Variants in RFX1 observed in about 807,000 individuals in gnomAD.
The protein encoded by RFX1 is MHC class II regulatory factor RFX1.
RFX1 carries 42 observed loss-of-function variants against 119.6 expected under a neutral mutation model. The ratio of observed to expected loss-of-function variants is 0.35; its 90% CI spans 0.27 to 0.45. RFX1 has a LOEUF of 0.45. Ranked by LOEUF, RFX1 falls within the 20% of genes least tolerant of loss-of-function variation. The pLI is 1.00. For missense variants in RFX1, 1,118 were observed against 1,368.1 expected, an observed-to-expected ratio of 0.82 and a Z score of 2.88; for synonymous variants, 628 against 618.5, an observed-to-expected ratio of 1.02 and a Z score of -0.23.
At chr19:14,002,340 C>T (rs1328285133) in intron 1 of RFX1, among the ~76,000 whole-genome samples, 5 of 147,178 alleles carry the variant, frequency 3.4e-5, no homozygotes, top group Non-Finnish European at 4.5e-5. Flanking sequence ...AAAAAATTAG[C>T]CAGGCATGGT....
Position 13,965,595 on chromosome 19 carries a change from G to A in RFX1, c.2113+31C>T. 6.2e-7 allele frequency: 1 copy of A among 1,612,470 alleles called. No homozygotes were observed. On this transcript the variant is annotated intron_variant, in intron 15 of 20. Coordinates refer to ENST00000254325, the MANE Select transcript of RFX1 (RefSeq NM_002918.5). The surrounding 1 kb of genome is among the most constrained non-coding windows in gnomAD (Gnocchi z 4.7). The stretch of plus-strand genomic sequence containing the variant: ...TCAGGGCAGGGCGGGTGTATGTGGG[G>A]CAGGGGATGCCGAGCAGGCCGAGCA...
chr19:14,004,353 C>T (rs572318455), intron 1 of RFX1, among the ~76,000 whole-genome samples: 8 of 152,234 alleles, frequency 5.3e-5, no homozygotes, highest in Non-Finnish European at 8.8e-5. Context: ...ACTAAAAATA[C>T]GAAAATCAGC....
In RFX1 at chr19:13,966,582, A is replaced by T; in HGVS notation, c.1851+51T>A. 1 of 1,536,944 alleles carries T rather than the reference A, an allele frequency of 6.5e-7. No individual in the cohort carries two copies. The highest frequency in any genetic ancestry group is 8.9e-7 in the Non-Finnish European group (1 of 1,128,600). The stretch of plus-strand genomic sequence containing the variant: ...GGCTGGGGGGCAGCATGGCCCTCCC[A>T]TGCCCGTGGCTGCGTCCCCGTCCAC... On this transcript the variant is annotated intron_variant, in intron 13 of 20. Coordinates refer to ENST00000254325, the MANE Select transcript of RFX1 (RefSeq NM_002918.5). This position sits in a 1 kb window ranked among gnomAD's most constrained non-coding sequence, Gnocchi z 6.3.
At chr19:13,970,285 G>A (rs776119981) in intron 9 of RFX1, 110 bp from the exon 10 acceptor site, 30 of 886,580 alleles carry the variant, frequency 3.4e-5, no homozygotes, top group African/African-American at 8.5e-5. Context: ...TGACAGCCAC[G>A]CCCACATAAG....
intron 5 of RFX1, among the ~76,000 whole-genome samples, chr19:13,981,779 T>C (rs1260051192): frequency 3.3e-5 from 5 of 152,182 alleles, no homozygotes; most frequent in African/African-American, 1.2e-4. Flanking sequence ...GAAGAGACTG[T>C]CCCACCCTCC....
chr19:13,980,731 T>TGAATCCTCTCTGGGGTGGGCTC lies in RFX1; in HGVS notation c.622-43_622-42insGAGCCCACCCCAGAGAGGATTC. The TGAATCCTCTCTGGGGTGGGCTC allele has an allele frequency of 2.5e-6, 3 of 1,201,554 alleles. No homozygotes were observed. Among genetic ancestry groups the TGAATCCTCTCTGGGGTGGGCTC allele is most frequent in the Non-Finnish European group, 3.6e-6 (3 of 842,376 alleles). The allele number at this position is 1,201,554 out of a possible 1,614,324, so 74.4% of individuals were successfully genotyped here. A position where few individuals can be genotyped will look rare whatever the true frequency, so the allele number is the denominator to read the frequency against. On this transcript the variant is annotated intron_variant, in intron 5 of 20. Coordinates refer to ENST00000254325, the MANE Select transcript of RFX1 (RefSeq NM_002918.5). This position sits in a 1 kb window ranked among gnomAD's most constrained non-coding sequence, Gnocchi z 5.1. ...CACAGGAGTGCCGCTGGGGTGGGCT[T>TGAATCCTCTCTGGGGTGGGCTC]GCATCCTCTCTGAGGTGGGCTCACA...
chr19:13,980,682 G>T lies in RFX1; in HGVS notation c.629C>A (p.Pro210Gln), dbSNP rs1185982655. 2 of 1,594,026 alleles carry T rather than the reference G, an allele frequency of 1.3e-6. No homozygotes were observed. Among genetic ancestry groups the T allele is most frequent in the South Asian group, 2.2e-5 (2 of 89,302 alleles). The change falls in exon 6 of 21, where the codon CCG (proline) becomes CAG (glutamine). Residue 210 changes from proline (P) to glutamine (Q), a missense_variant. Pro to Gln is a moderately conservative substitution (Grantham distance 76). This residue lies in a region of RFX1 where 542 missense variants were observed against 602.7 expected (regional missense o/e 0.90). Coordinates refer to ENST00000254325, the MANE Select transcript of RFX1 (RefSeq NM_002918.5). This position sits in a 1 kb window ranked among gnomAD's most constrained non-coding sequence, Gnocchi z 5.1. ...GCTGGAAGAGCTGTTGGCCTGCACC[G>T]GCGACTGCTGTAAGGGAAGGAGACA... ...QQVHSPPEQS[P>Q]VQANSSSSKT...
At chr19:13,978,636 A>G (rs1318753398) in intron 7 of RFX1, among the ~76,000 whole-genome samples, 1 of 151,906 alleles carries the variant, frequency 6.6e-6, no homozygotes, top group African/African-American at 2.4e-5. Context: ...CCCTAGACCG[A>G]CCCGTCGGGC....
At position 13,969,932 on chromosome 19, in the gene RFX1, G is replaced by A. The variant is rs192113151; in HGVS notation, c.1496+62C>T. On this transcript the variant is annotated intron_variant, in intron 10 of 20. Transcript: ENST00000254325. The surrounding 1 kb of genome is among the most constrained non-coding windows in gnomAD (Gnocchi z 4.5). ...ACTGCCTGAGATGACTCGGAGTGGG[G>A]GTGGGCCTTGGCATGCCCACCAATT... 8.0e-6 allele frequency: 12 copies of A among 1,506,720 alleles called. No homozygotes were observed. Among genetic ancestry groups the A allele is most frequent in the African/African-American group, 1.4e-5 (1 of 72,468 alleles). The allele number at this position is 1,506,720 out of a possible 1,614,324, so 93.3% of individuals were successfully genotyped here. A position where few individuals can be genotyped will look rare whatever the true frequency, so the allele number is the denominator to read the frequency against.
intron 2 of RFX1, among the ~76,000 whole-genome samples, chr19:13,993,062 G>A (rs1405492645): frequency 2.0e-5 from 3 of 152,106 alleles, no homozygotes; most frequent in African/African-American, 7.2e-5. Context: ...ATCATTTGAG[G>A]CCGGGAGGAT....
chr19:13,995,584 C>T (rs954743910), intron 1 of RFX1, among the ~76,000 whole-genome samples: 6 of 152,204 alleles, frequency 3.9e-5, no homozygotes, highest in Non-Finnish European at 4.4e-5. Context: ...AGCGCAGTGG[C>T]TCACGCCTGT....
At position 13,986,389 on chromosome 19, in the gene RFX1, C is replaced by T. The variant is rs1974594711; in HGVS notation, c.320-2794G>A. Among the ~76,000 whole-genome samples, 1 of 152,214 alleles carries T rather than the reference C, an allele frequency of 6.6e-6. No homozygotes were observed. The highest frequency in any genetic ancestry group is 2.1e-4 in the South Asian group (1 of 4,836). ...GTAGCCCTCAAGGCTGGGACCCCGC[C>T]TGCCAGCCCAGGAGGGCGCCAGGGG... On this transcript the variant is annotated intron_variant, in intron 2 of 20. Coordinates refer to ENST00000254325, the MANE Select transcript of RFX1 (RefSeq NM_002918.5). This position sits in a 1 kb window ranked among gnomAD's most constrained non-coding sequence, Gnocchi z 4.2.
rs1182352074 is a variant in RFX1, at chr19:13,985,709, G to A, written c.320-2114C>T. On this transcript the variant is annotated intron_variant, in intron 2 of 20. Coordinates refer to ENST00000254325, the MANE Select transcript of RFX1 (RefSeq NM_002918.5). This position sits in a 1 kb window ranked among gnomAD's most constrained non-coding sequence, Gnocchi z 4.3. ...TGGGTATATGGGCACAGGAAGGAAA[G>A]TAAGCTGGGGGTCTACGGGGACCCC... is the stretch of plus-strand genomic sequence containing the variant. Among the ~76,000 whole-genome samples the A allele has an allele frequency of 6.6e-6, 1 of 152,230 alleles. No homozygotes were observed. The highest frequency in any genetic ancestry group is 1.5e-5 in the Non-Finnish European group (1 of 68,038).
intron 2 of RFX1, among the ~76,000 whole-genome samples, chr19:13,991,101 C>T (rs1974785094): frequency 6.6e-6 from 1 of 152,124 alleles, no homozygotes; most frequent in South Asian, 2.1e-4. Context: ...ATGGCAGGAG[C>T]GTGTTCTGGA....
rs747823965 is a variant in RFX1, at chr19:13,966,272, G to C, written c.1961+149C>G. 339 of 587,918 alleles carry C rather than the reference G, an allele frequency of 5.8e-4. 3 individuals carry two copies. The highest frequency in any genetic ancestry group is 1.5e-3 in the South Asian group (73 of 49,614). The allele number at this position is 587,918 out of a possible 1,614,324, so 36.4% of individuals were successfully genotyped here. A position where few individuals can be genotyped will look rare whatever the true frequency, so the allele number is the denominator to read the frequency against. On this transcript the variant is annotated intron_variant, in intron 14 of 20. Coordinates refer to ENST00000254325, the MANE Select transcript of RFX1 (RefSeq NM_002918.5). This position sits in a 1 kb window ranked among gnomAD's most constrained non-coding sequence, Gnocchi z 6.3. ...TCCACCCCCGACTGTTGAGTGTCGGGTGGCTATACACACTCCACACAGCCA... is the reference window on the plus strand; with the variant it reads ...TCCACCCCCGACTGTTGAGTGTCGGCTGGCTATACACACTCCACACAGCCA...
At chr19:13,978,215 C>T (rs905614527) in intron 7 of RFX1, 129 bp from the exon 8 acceptor site, 2 of 633,442 alleles carry the variant, frequency 3.2e-6, no homozygotes, top group Admixed American at 2.9e-5. Context: ...GGCTTCTGGA[C>T]TCTCAACAAA....
rs1268652998 is a variant in RFX1 at position 13,968,058 on chromosome 19, A to G, written c.1732+507T>C. On this transcript the variant is annotated intron_variant, in intron 12 of 20. Coordinates refer to ENST00000254325, the MANE Select transcript of RFX1 (RefSeq NM_002918.5). The surrounding 1 kb of genome is among the most constrained non-coding windows in gnomAD (Gnocchi z 5.5). Reference sequence around the variant, plus strand: ...CACTTCAGGTCAGGAGTTCGAGACCAGCCTAGCCAAGATGGTGAAACCCCA... The same window carrying G: ...CACTTCAGGTCAGGAGTTCGAGACCGGCCTAGCCAAGATGGTGAAACCCCA... Among the ~76,000 whole-genome samples the G allele has an allele frequency of 6.6e-6, 1 of 152,062 alleles. No individual in the cohort carries two copies. Among genetic ancestry groups the G allele is most frequent in the Non-Finnish European group, 1.5e-5 (1 of 68,016 alleles).
At chr19:14,005,125 A>G (rs1377544396) in intron 1 of RFX1, among the ~76,000 whole-genome samples, 1 of 152,224 alleles carries the variant, frequency 6.6e-6, no homozygotes, top group Non-Finnish European at 1.5e-5. Flanking sequence ...GGCAGGACCC[A>G]GAAACGTTCC....
At position 13,965,792 on chromosome 19, in the gene RFX1, C is replaced by A; in HGVS notation, c.1962-15G>T. 6.2e-7 allele frequency: 1 copy of A among 1,612,570 alleles called. No homozygotes were observed. Among genetic ancestry groups the A allele is most frequent in the South Asian group, 1.1e-5 (1 of 90,980 alleles). On this transcript the variant is annotated splice_polypyrimidine_tract_variant and intron_variant, in intron 14 of 20. Coordinates refer to ENST00000254325, the MANE Select transcript of RFX1 (RefSeq NM_002918.5). This position sits in a 1 kb window ranked among gnomAD's most constrained non-coding sequence, Gnocchi z 4.7. ...CCTCGTCATGTCTGCGGGCACCCACCCCACCCCGGGTCACTGGGGTACTCT... is the reference window on the plus strand; with the variant it reads ...CCTCGTCATGTCTGCGGGCACCCACACCACCCCGGGTCACTGGGGTACTCT...
Sources: gnomAD v4.1 joint callset for allele counts (sites outside exome capture counted in the v4.1 genomes callset) on GRCh38, gnomAD v4.1.1 for gene constraint, gnomAD v4.1.1 regional missense constraint, Gnocchi (gnomAD v3.1) non-coding constraint, MANE v1.5 for transcripts, NCBI Gene and HGNC (gene_info 2026-07-23, HGNC 2026-07-21) for gene names.